SGCD: variants seen among roughly 807,000 people sequenced by gnomAD.
SGCD encodes the protein delta-sarcoglycan.
SGCD carries 18 observed loss-of-function variants against 36.6 expected under a neutral mutation model. The observed-to-expected ratio is 0.49, with a 90% CI of 0.34 to 0.73. SGCD has a LOEUF of 0.73. Ranked by LOEUF, SGCD falls within the 30% of genes least tolerant of loss-of-function variation. SGCD has a pLI of 0.01. For synonymous variants in SGCD, 133 were observed against 130.6 expected, an observed-to-expected ratio of 1.02 and a Z score of -0.12; for missense variants, 387 against 346.7, an observed-to-expected ratio of 1.12 and a Z score of -0.92.
intron 1 of SGCD, among the ~76,000 whole-genome samples, chr5:156,115,045 G>T (rs1013987654): frequency 1.3e-5 from 2 of 151,964 alleles, no homozygotes; most frequent in African/African-American, 4.8e-5. Flanking sequence ...TAATCACCCA[G>T]CTTTAGCAAA....
At chr5:156,248,280 G>T (rs185741514) in intron 3 of SGCD, among the ~76,000 whole-genome samples, 1 of 152,278 alleles carries the variant, frequency 6.6e-6, no homozygotes, top group Admixed American at 6.5e-5. Context: ...CCAGCACTTT[G>T]GGAGGCCGAG....
chr5:155,911,132 G>A (rs975414004), intron 1 of SGCD, among the ~76,000 whole-genome samples: 1 of 151,820 alleles, frequency 6.6e-6, no homozygotes, highest in Non-Finnish European at 1.5e-5. Flanking sequence ...TTAACATCTG[G>A]GATTAATAGT....
chr5:156,215,971 G>T (rs1581173354), intron 3 of SGCD, among the ~76,000 whole-genome samples: 1 of 152,238 alleles, frequency 6.6e-6, no homozygotes, highest in South Asian at 2.1e-4. Flanking sequence ...AGAAAACATG[G>T]TATATATACA....
chr5:156,045,057 A>G (rs920562045), intron 1 of SGCD, among the ~76,000 whole-genome samples: 1 of 152,140 alleles, frequency 6.6e-6, no homozygotes, highest in South Asian at 2.1e-4. Flanking sequence ...CAGTTATTCC[A>G]TGGCAGAAGT....
intron 3 of SGCD, among the ~76,000 whole-genome samples, chr5:156,385,459 C>T (rs1405926088): frequency 6.6e-6 from 1 of 152,202 alleles, no homozygotes; most frequent in East Asian, 1.9e-4. Context: ...AAAGGTGGTA[C>T]ATTTTGAAGT....
rs535251948 is a variant in SGCD at position 156,637,487 on chromosome 5, T to C, written c.503-9977T>C. Among the ~76,000 whole-genome samples, 102 of 152,272 alleles carry C rather than the reference T, an allele frequency of 6.7e-4. 1 individual carries two copies. Among genetic ancestry groups the C allele is most frequent in the Admixed American group, 1.1e-3 (17 of 15,292 alleles). ...GGCAGCTCCAGATATCATGCTGATA[T>C]TCAGATAAAAACACTGAAACTAGCC... On this transcript the variant is annotated intron_variant, in intron 6 of 8. Coordinates refer to ENST00000337851, the MANE Select transcript of SGCD (RefSeq NM_000337.6).
intron 3 of SGCD, among the ~76,000 whole-genome samples, chr5:156,467,575 A>G (rs917416209): frequency 6.6e-6 from 1 of 152,270 alleles, no homozygotes; most frequent in African/African-American, 2.4e-5. Context: ...GAGATGGAGC[A>G]TGATGACATA....
chr5:156,244,388 G>A (rs1286384449), intron 3 of SGCD, among the ~76,000 whole-genome samples: 3 of 152,158 alleles, frequency 2.0e-5, no homozygotes, highest in Non-Finnish European at 2.9e-5. Flanking sequence ...GGATTAAATG[G>A]TAGCAACATC....
chr5:155,786,683 C>T, the SGCD span, among the ~76,000 whole-genome samples: 5 of 152,206 alleles, frequency 3.3e-5, no homozygotes, highest in Non-Finnish European at 5.9e-5. Flanking sequence ...CCTCCACACA[C>T]CTAAAGAGAG....
intron 1 of SGCD, among the ~76,000 whole-genome samples, chr5:155,890,681 C>CAGAT (rs1561640252): frequency 1.1e-5 from 1 of 92,284 alleles, no homozygotes; most frequent in Admixed American, 1.2e-4. Flanking sequence ...GATAGATAGA[C>CAGAT]AGATAGATAG....
chr5:156,095,237 A>G (rs1402038257), intron 1 of SGCD, among the ~76,000 whole-genome samples: 1 of 152,190 alleles, frequency 6.6e-6, no homozygotes, highest in Non-Finnish European at 1.5e-5. Context: ...ATCTCACCAC[A>G]TAGCCTATGC....
intron 3 of SGCD, among the ~76,000 whole-genome samples, chr5:156,265,409 A>G (rs915607215): frequency 8.5e-5 from 13 of 152,070 alleles, no homozygotes; most frequent in African/African-American, 3.1e-4. Context: ...AAAGCTAGCC[A>G]GTTAAATGCA....
At chr5:156,153,819 A>G (rs1762884280) in intron 3 of SGCD, among the ~76,000 whole-genome samples, 1 of 151,572 alleles carries the variant, frequency 6.6e-6, no homozygotes, top group African/African-American at 2.4e-5. Flanking sequence ...AAATGAATTC[A>G]TGGTTACATC....
chr5:156,228,346 G>T (rs1257472828), intron 3 of SGCD, among the ~76,000 whole-genome samples: 7 of 152,050 alleles, frequency 4.6e-5, no homozygotes, highest in African/African-American at 1.7e-4. Context: ...ATATGTTTAG[G>T]AATGTGATAT....
intron 7 of SGCD, among the ~76,000 whole-genome samples, chr5:156,679,099 C>T (rs1753625260): frequency 6.6e-6 from 1 of 152,188 alleles, no homozygotes; most frequent in Non-Finnish European, 1.5e-5. Flanking sequence ...CCATATATTA[C>T]TTGGATGTCA....
intron 6 of SGCD, among the ~76,000 whole-genome samples, chr5:156,612,082 G>T (rs1761836450): frequency 2.0e-5 from 3 of 152,202 alleles, no homozygotes; most frequent in South Asian, 2.1e-4. Flanking sequence ...TTTATTTTTG[G>T]GAGGGGGTCT....
chr5:156,524,143 T>C (rs1247883955), intron 4 of SGCD, among the ~76,000 whole-genome samples: 2 of 87,148 alleles, frequency 2.3e-5, no homozygotes, highest in African/African-American at 3.9e-5. Flanking sequence ...TATATATATA[T>C]ATATGGTTTT....
intron 3 of SGCD, among the ~76,000 whole-genome samples, chr5:156,442,254 G>A (rs181668925): frequency 8.0e-4 from 122 of 152,268 alleles, no homozygotes; most frequent in Non-Finnish European, 1.4e-3. Flanking sequence ...AGTTCTGCAG[G>A]TGTGGCTGGG....
rs546196423 is a variant in SGCD at position 156,595,146 on chromosome 5, A to C, written c.502+95A>C. ...GTTATGAACAGGATATGTCCTCCCA[A>C]AATTCATATATCGAAATCCTAACTC... On this transcript the variant is annotated intron_variant, in intron 6 of 8. Transcript: ENST00000337851. The C allele has an allele frequency of 2.0e-5, 27 of 1,366,444 alleles. No homozygotes were observed. The African/African-American group carries it at 3.1e-4, about 16-fold the overall frequency. 84.6% of individuals were successfully genotyped at this position (1,366,444 alleles called of 1,614,324 possible).
Sources: allele counts gnomAD v4.1 joint callset (sites outside exome capture counted in the v4.1 genomes callset), GRCh38; gene constraint gnomAD v4.1.1; transcripts MANE v1.5; gene names NCBI Gene and HGNC (gene_info 2026-07-23, HGNC 2026-07-21).